The following FGGY variants were observed in gnomAD, a reference collection of about 807,000 sequenced individuals.
FGGY encodes the protein FGGY carbohydrate kinase domain-containing protein.
A neutral mutation model predicts 71.3 loss-of-function variants in FGGY; 72 were observed. The observed-to-expected ratio is 1.01, with a 90% confidence interval of 0.84 to 1.23. The LOEUF (loss-of-function observed/expected upper bound fraction) is 1.23, where lower values mean the gene tolerates loss of function less well. FGGY is among the 50% of genes most tolerant of loss of function. The pLI, the probability that FGGY is intolerant of heterozygous loss-of-function variation, is 0.00. For synonymous variants in FGGY, 251 were observed against 250.3 expected, an observed-to-expected ratio of 1.00 and a Z score of -0.02; for missense variants, 668 against 682.3, an observed-to-expected ratio of 0.98 and a Z score of 0.23.
chr1:59,399,461 G>T (rs116694677), intron 5 of FGGY, among the ~76,000 whole-genome samples: 3,185 of 152,230 alleles, frequency 0.021, 115 homozygotes, highest in African/African-American at 0.072. Context: ...GAGAAGTTAA[G>T]AAACTTTCCC....
intron 9 of FGGY, among the ~76,000 whole-genome samples, chr1:59,612,826 A>T (rs2096703980): frequency 6.6e-6 from 1 of 152,206 alleles, no homozygotes; most frequent in Non-Finnish European, 1.5e-5. Context: ...TGGAAAACAA[A>T]AAAAGGCAGG....
chr1:59,664,080 C>T (rs2097302033), intron 12 of FGGY, among the ~76,000 whole-genome samples: 1 of 152,196 alleles, frequency 6.6e-6, no homozygotes, highest in African/African-American at 2.4e-5. Flanking sequence ...CCGGTTTATC[C>T]ATAGCCTGTT....
chr1:59,494,872 T>C (rs1019410643), intron 6 of FGGY, among the ~76,000 whole-genome samples: 1 of 152,178 alleles, frequency 6.6e-6, no homozygotes, highest in African/African-American at 2.4e-5. Flanking sequence ...ATGGGATTGC[T>C]GGGTAAAATG....
intron 14 of FGGY, among the ~76,000 whole-genome samples, chr1:59,750,048 T>A (rs2098232324): frequency 6.6e-6 from 1 of 152,162 alleles, no homozygotes; most frequent in Non-Finnish European, 1.5e-5. Context: ...ATACTGGAAT[T>A]TTCAACAACA....
At chr1:59,417,277 T>G (rs2064635228) in intron 5 of FGGY, among the ~76,000 whole-genome samples, 1 of 152,246 alleles carries the variant, frequency 6.6e-6, no homozygotes, top group African/African-American at 2.4e-5. Flanking sequence ...AGTTCCTGTT[T>G]TAATTGATAA....
intron 6 of FGGY, among the ~76,000 whole-genome samples, chr1:59,457,939 T>C (rs1336527980): frequency 6.6e-6 from 1 of 152,192 alleles, no homozygotes; most frequent in Non-Finnish European, 1.5e-5. Context: ...TGTGCTTGTA[T>C]GTACCTTGTT....
chr1:59,597,700 C>T (rs1426628312), intron 8 of FGGY, among the ~76,000 whole-genome samples: 2 of 152,160 alleles, frequency 1.3e-5, no homozygotes. Flanking sequence ...TTATTTGTCC[C>T]ATTTTTCAGA....
chr1:59,605,805 A>G (rs1414658266), intron 8 of FGGY, among the ~76,000 whole-genome samples: 1 of 152,180 alleles, frequency 6.6e-6, no homozygotes, highest in East Asian at 1.9e-4. Context: ...CTAAAATGCT[A>G]GTAATCACTT....
chr1:59,656,581 A>G (rs1009491556), intron 11 of FGGY, among the ~76,000 whole-genome samples: 1 of 152,218 alleles, frequency 6.6e-6, no homozygotes, highest in Non-Finnish European at 1.5e-5. Context: ...ACCTCAGACC[A>G]CAGTGTCTTT....
intron 5 of FGGY, among the ~76,000 whole-genome samples, chr1:59,396,576 G>A (rs1300013790): frequency 6.6e-6 from 1 of 152,134 alleles, no homozygotes; most frequent in African/African-American, 2.4e-5. Flanking sequence ...ATCAAAGTTT[G>A]ATGTTATCGC....
chr1:59,580,935 A>T (rs918848872), intron 8 of FGGY, among the ~76,000 whole-genome samples: 2 of 152,166 alleles, frequency 1.3e-5, no homozygotes, highest in African/African-American at 4.8e-5. Context: ...TGGCCTGTTT[A>T]GCAGTTGAAA....
intron 11 of FGGY, among the ~76,000 whole-genome samples, chr1:59,653,726 G>A (rs182078314): frequency 1.9e-4 from 29 of 152,324 alleles, no homozygotes; most frequent in East Asian, 5.8e-4. Context: ...CGTTGCTCAC[G>A]CTGGGAGCTG....
chr1:59,527,813 A>G (rs1474153255), intron 7 of FGGY, among the ~76,000 whole-genome samples: 1 of 152,218 alleles, frequency 6.6e-6, no homozygotes, highest in African/African-American at 2.4e-5. Flanking sequence ...CCAATCATCC[A>G]TCGTTAATCG....
intron 10 of FGGY, 35 bp from the exon 11 acceptor site, chr1:59,638,193 C>A (rs1228835853): frequency 4.4e-5 from 71 of 1,602,118 alleles, no homozygotes; most frequent in Non-Finnish European, 5.9e-5. Flanking sequence ...CTGACCCTAT[C>A]CCCCCTTTAA....
chr1:59,558,055 T>C (rs1285575257), intron 8 of FGGY, among the ~76,000 whole-genome samples: 2 of 152,150 alleles, frequency 1.3e-5, no homozygotes, highest in East Asian at 1.9e-4. Context: ...CACCACTTAC[T>C]GTGTGAATTT....
intron 14 of FGGY, chr1:59,698,657 C>A: frequency 1.4e-6 from 1 of 690,852 alleles, no homozygotes; most frequent in Non-Finnish European, 1.8e-6. Context: ...GCTTCTGACC[C>A]ACCTCTCCCC....
chr1:59,339,865 C>T, intron 2 of FGGY, 93 bp from the exon 3 acceptor site: 2 of 686,122 alleles, frequency 2.9e-6, no homozygotes, highest in African/African-American at 1.8e-5. Context: ...AGATTTTTTT[C>T]TATTCTGTCA....
intron 5 of FGGY, among the ~76,000 whole-genome samples, chr1:59,407,187 G>A (rs1451340875): frequency 1.3e-5 from 2 of 152,162 alleles, no homozygotes; most frequent in Non-Finnish European, 2.9e-5. Context: ...CCTGGGTCTC[G>A]AGCTTTAGCC....
intron 5 of FGGY, among the ~76,000 whole-genome samples, chr1:59,426,684 ACTTTTG>A (rs938148567): frequency 6.6e-6 from 1 of 151,930 alleles, no homozygotes; most frequent in African/African-American, 2.4e-5. Flanking sequence ...TTACTTGTTT[ACTTTTG>A]CTTTTGTTTA....
Sources: allele counts gnomAD v4.1 joint callset (sites outside exome capture counted in the v4.1 genomes callset), GRCh38; gene constraint gnomAD v4.1.1; transcripts MANE v1.5; gene names NCBI Gene and HGNC (gene_info 2026-07-23, HGNC 2026-07-21).